Variants in RANBP2 observed in about 807,000 individuals in gnomAD.
The protein encoded by RANBP2 is RAN binding protein 2, also known as E3 SUMO-protein ligase RanBP2.
Under a neutral mutation model 303.6 loss-of-function variants are expected in RANBP2, and 57 were observed. The ratio of observed to expected loss-of-function variants is 0.19; its 90% CI spans 0.15 to 0.23. The LOEUF is 0.23. Ranked by LOEUF, RANBP2 falls within the 10% of genes least tolerant of loss-of-function variation. The probability of loss-of-function intolerance (pLI) is 1.00; values close to 1 mark genes in which losing one functional copy is unlikely to be tolerated. For synonymous variants in RANBP2, 1,167 were observed against 1,301.5 expected (o/e 0.90, Z 2.23); for missense variants, 3,138 against 3,780.8 (o/e 0.83, Z 4.46).
the RANBP2 span, among the ~76,000 whole-genome samples, chr2:109,144,737 T>C: frequency 6.6e-6 from 1 of 152,228 alleles, no homozygotes; most frequent in East Asian, 1.9e-4. Context: ...TGGTGATGCA[T>C]GCCTGGCAGG....
At chr2:109,432,139 A>G in the RANBP2 span, among the ~76,000 whole-genome samples, 1 of 152,186 alleles carries the variant, frequency 6.6e-6, no homozygotes, top group Non-Finnish European at 1.5e-5. Context: ...AACACTGGAA[A>G]TCCAAAGAGC....
chr2:109,413,153 C>CGCCCAGGCTGGAGTGCAGTG, the RANBP2 span, among the ~76,000 whole-genome samples: 1 of 152,208 alleles, frequency 6.6e-6, no homozygotes, highest in Non-Finnish European at 1.5e-5. Context: ...CTTGCTCTGT[C>CGCCCAGGCTGGAGTGCAGTG]GCCCAGGCTG....
the RANBP2 span, among the ~76,000 whole-genome samples, chr2:108,825,252 G>C: frequency 7.0e-6 from 1 of 143,180 alleles, no homozygotes; most frequent in Admixed American, 7.5e-5. Flanking sequence ...ATTATATCTT[G>C]TTTTTGTTCT....
chr2:109,223,476 G>A, the RANBP2 span, among the ~76,000 whole-genome samples: 1 of 152,226 alleles, frequency 6.6e-6, no homozygotes, highest in Non-Finnish European at 1.5e-5. Flanking sequence ...AGTGGGCATG[G>A]CCTGCCCATG....
At chr2:109,111,262 T>G in the RANBP2 span, among the ~76,000 whole-genome samples, 2 of 152,226 alleles carry the variant, frequency 1.3e-5, no homozygotes, top group African/African-American at 4.8e-5. Flanking sequence ...CCCATTTTTT[T>G]CGAAGCAGAA....
chr2:109,716,602 A>T, the RANBP2 span, among the ~76,000 whole-genome samples: 1 of 152,148 alleles, frequency 6.6e-6, no homozygotes, highest in African/African-American at 2.4e-5. Flanking sequence ...GCTGAAGTGC[A>T]GTGGTGCAAT....
the RANBP2 span, among the ~76,000 whole-genome samples, chr2:109,531,787 A>G: frequency 6.6e-6 from 1 of 152,196 alleles, no homozygotes; most frequent in Non-Finnish European, 1.5e-5. Context: ...TCTACTGATT[A>G]CCCAAAGCTG....
the RANBP2 span, among the ~76,000 whole-genome samples, chr2:109,425,905 T>G: frequency 6.6e-6 from 1 of 152,014 alleles, no homozygotes; most frequent in Non-Finnish European, 1.5e-5. Flanking sequence ...TCTTTCTTTC[T>G]TTTTTTTCTT....
At chr2:109,083,541 C>G in the RANBP2 span, among the ~76,000 whole-genome samples, 3 of 152,170 alleles carry the variant, frequency 2.0e-5, no homozygotes, top group Non-Finnish European at 4.4e-5. Flanking sequence ...CATTCATCCT[C>G]TGATGGACAC....
chr2:109,470,334 G>C, the RANBP2 span, among the ~76,000 whole-genome samples: 1 of 152,164 alleles, frequency 6.6e-6, no homozygotes, highest in South Asian at 2.1e-4. Context: ...GTAGACTCCT[G>C]CTCCATCTGG....
At chr2:109,297,254 G>A in the RANBP2 span, among the ~76,000 whole-genome samples, 138 of 151,952 alleles carry the variant, frequency 9.1e-4, no homozygotes, top group Non-Finnish European at 1.7e-3. Flanking sequence ...CATCATCATC[G>A]TCATCACTGT....
chr2:109,390,197 G>A, the RANBP2 span, among the ~76,000 whole-genome samples: 1 of 152,236 alleles, frequency 6.6e-6, no homozygotes. Context: ...AGTTCTTGGA[G>A]AAAGTGGAGA....
At chr2:108,951,625 C>T in the RANBP2 span, among the ~76,000 whole-genome samples, 2 of 152,180 alleles carry the variant, frequency 1.3e-5, no homozygotes, top group East Asian at 3.9e-4. Context: ...GGGAAGGGCA[C>T]TGGATCAGGA....
At chr2:109,150,517 TC>T in the RANBP2 span, among the ~76,000 whole-genome samples, 1 of 152,220 alleles carries the variant, frequency 6.6e-6, no homozygotes, top group East Asian at 1.9e-4. Flanking sequence ...ATTCACTTAG[TC>T]TGTTTAACCA....
the RANBP2 span, chr2:109,545,962 A>G: frequency 6.7e-7 from 1 of 1,486,678 alleles, no homozygotes; most frequent in Non-Finnish European, 9.0e-7. Context: ...AGCATAAGGA[A>G]GCAGAAGTAA....
chr2:109,614,875 G>T, the RANBP2 span: 11 of 1,425,818 alleles, frequency 7.7e-6, no homozygotes, highest in South Asian at 6.0e-5. Context: ...TCGCTCCCTG[G>T]ACAGGGCCGC....
At chr2:109,132,984 A>G in the RANBP2 span, among the ~76,000 whole-genome samples, 1 of 152,242 alleles carries the variant, frequency 6.6e-6, no homozygotes, top group South Asian at 2.1e-4. Context: ...CTTGACTTAT[A>G]TTTGAGCCTA....
At chr2:109,537,698 C>A in the RANBP2 span, among the ~76,000 whole-genome samples, 1 of 152,130 alleles carries the variant, frequency 6.6e-6, no homozygotes, top group African/African-American at 2.4e-5. Flanking sequence ...GTAATCTCAG[C>A]ACTTTGGGAG....
the RANBP2 span, among the ~76,000 whole-genome samples, chr2:109,303,917 T>G: frequency 6.6e-6 from 1 of 152,040 alleles, no homozygotes; most frequent in African/African-American, 2.4e-5. Flanking sequence ...ATCCTTACTA[T>G]AAGATATAAC....
Sources: allele counts gnomAD v4.1 joint callset (sites outside exome capture counted in the v4.1 genomes callset), GRCh38; gene constraint gnomAD v4.1.1; transcripts MANE v1.5; gene names NCBI Gene and HGNC (gene_info 2026-07-23, HGNC 2026-07-21).